The following XIRP2 variants were observed in gnomAD, a reference collection of about 807,000 sequenced individuals.
The protein encoded by XIRP2 is xin actin binding repeat containing 2, also known as xin actin-binding repeat-containing protein 2.
XIRP2 carries 236 observed loss-of-function variants against 277.0 expected under a neutral mutation model. The observed-to-expected ratio is 0.85, with a 90% CI of 0.77 to 0.95. XIRP2 has a LOEUF of 0.95. Ranked by LOEUF, XIRP2 falls within the 40% of genes least tolerant of loss-of-function variation. The pLI, the probability that XIRP2 is intolerant of heterozygous loss-of-function variation, is 0.00. For missense variants in XIRP2, 4,640 were observed against 4,157.5 expected, an observed-to-expected ratio of 1.12 and a Z score of -3.19; for synonymous variants, 1,490 against 1,416.5, an observed-to-expected ratio of 1.05 and a Z score of -1.17.
chr2:167,161,194 G>C (rs962292244), intron 3 of XIRP2, among the ~76,000 whole-genome samples: 3 of 152,198 alleles, frequency 2.0e-5, no homozygotes, highest in African/African-American at 7.2e-5. Context: ...GGCTGGTGTT[G>C]AGTGTCTGTG....
At chr2:167,065,545 G>A (rs1689281406) in intron 2 of XIRP2, among the ~76,000 whole-genome samples, 1 of 151,308 alleles carries the variant, frequency 6.6e-6, no homozygotes, top group South Asian at 2.1e-4. Flanking sequence ...TATTTTCGTT[G>A]TTGCTGTTAT....
intron 2 of XIRP2, among the ~76,000 whole-genome samples, chr2:167,056,587 T>G (rs1480374085): frequency 2.0e-5 from 3 of 152,184 alleles, no homozygotes; most frequent in Admixed American, 6.5e-5. Context: ...TCCTAATTAC[T>G]CCACTCATAA....
intron 2 of XIRP2, among the ~76,000 whole-genome samples, chr2:167,024,080 A>G (rs999192214): frequency 6.6e-6 from 1 of 151,318 alleles, no homozygotes; most frequent in Non-Finnish European, 1.5e-5. Context: ...GATTCTTCCT[A>G]CCCATGAGCA....
Position 167,128,654 on chromosome 2 carries a change from G to A in XIRP2, c.409-7255G>A, listed in dbSNP as rs530809870. Among the ~76,000 whole-genome samples the A allele has an allele frequency of 1.9e-4, 29 of 152,042 alleles. 1 individual carries two copies. Among genetic ancestry groups the A allele is most frequent in the African/African-American group, 5.8e-4 (24 of 41,452 alleles). On this transcript the variant is annotated intron_variant, in intron 2 of 10. Coordinates refer to ENST00000409195, the MANE Select transcript of XIRP2 (RefSeq NM_152381.6). ...GTATCTAAAGCACAAATCTAATCCC[G>A]CCACCCCCACTTAATTCACTTGCAA...
intron 2 of XIRP2, among the ~76,000 whole-genome samples, chr2:167,078,619 G>A (rs1391633556): frequency 2.6e-5 from 4 of 152,016 alleles, no homozygotes; most frequent in Non-Finnish European, 2.9e-5. Context: ...GGCAGAACAC[G>A]AGGTCAGGAG....
intron 2 of XIRP2, among the ~76,000 whole-genome samples, chr2:166,954,490 C>A (rs1313046185): frequency 2.0e-5 from 3 of 151,814 alleles, no homozygotes; most frequent in Non-Finnish European, 4.4e-5. Flanking sequence ...TTCGTTCAAC[C>A]ATTGTGGAAG....
chr2:167,110,064 T>C (rs1690713314), intron 2 of XIRP2, among the ~76,000 whole-genome samples: 1 of 152,216 alleles, frequency 6.6e-6, no homozygotes, highest in Admixed American at 6.6e-5. Flanking sequence ...TTGTAGATTC[T>C]GTATATTAGA....
chr2:166,970,950 C>A, intron 2 of XIRP2, among the ~76,000 whole-genome samples: 1 of 151,570 alleles, frequency 6.6e-6, no homozygotes, highest in Admixed American at 6.6e-5. Flanking sequence ...CAATATATGG[C>A]TAGGTATTAT....
intron 3 of XIRP2, among the ~76,000 whole-genome samples, chr2:167,181,483 T>A (rs6706115): frequency 0.099 from 15,010 of 152,262 alleles, 795 homozygotes; most frequent in South Asian, 0.15. Flanking sequence ...TTCTTCAAAT[T>A]CTTACTGTCT....
At chr2:167,100,297 GA>G (rs1234470257) in intron 2 of XIRP2, among the ~76,000 whole-genome samples, 1 of 152,014 alleles carries the variant, frequency 6.6e-6, no homozygotes, top group Non-Finnish European at 1.5e-5. Flanking sequence ...AATATTCTTT[GA>G]AAAGGTTTAC....
At chr2:167,159,344 C>T (rs1692295456) in intron 3 of XIRP2, among the ~76,000 whole-genome samples, 1 of 152,144 alleles carries the variant, frequency 6.6e-6, no homozygotes, top group African/African-American at 2.4e-5. Flanking sequence ...CAGAGAGTGG[C>T]TTTCAAGCTA....
intron 2 of XIRP2, among the ~76,000 whole-genome samples, chr2:166,929,821 TTCA>T (rs1685281558): frequency 6.6e-6 from 1 of 152,184 alleles, no homozygotes; most frequent in Non-Finnish European, 1.5e-5. Flanking sequence ...GTAAGATGAC[TTCA>T]TCAGTTATTT....
At chr2:166,929,909 G>A (rs1163136130) in intron 2 of XIRP2, among the ~76,000 whole-genome samples, 1 of 152,130 alleles carries the variant, frequency 6.6e-6, no homozygotes, top group African/African-American at 2.4e-5. Flanking sequence ...AAAAATATAT[G>A]TAGATAGCTC....
At chr2:167,045,082 G>A (rs1688755517) in intron 2 of XIRP2, among the ~76,000 whole-genome samples, 1 of 151,840 alleles carries the variant, frequency 6.6e-6, no homozygotes, top group African/African-American at 2.4e-5. Context: ...TGTTAGATAA[G>A]CTAGAAATAT....
intron 5 of XIRP2, among the ~76,000 whole-genome samples, chr2:167,232,109 C>T (rs1441060442): frequency 1.3e-5 from 2 of 151,906 alleles, no homozygotes; most frequent in Admixed American, 1.3e-4. Flanking sequence ...GGAGCTGTGA[C>T]TGATATAAAG....
chr2:167,199,582 A>G (rs2105375145), intron 3 of XIRP2, among the ~76,000 whole-genome samples: 1 of 152,316 alleles, frequency 6.6e-6, no homozygotes, highest in East Asian at 1.9e-4. Flanking sequence ...TTGACCCAGA[A>G]TTAAATCACT....
intron 2 of XIRP2, among the ~76,000 whole-genome samples, chr2:167,087,850 C>T (rs1234599862): frequency 6.6e-6 from 1 of 152,166 alleles, no homozygotes; most frequent in Non-Finnish European, 1.5e-5. Flanking sequence ...CTGGCACTCC[C>T]TAGTGAGATG....
intron 5 of XIRP2, among the ~76,000 whole-genome samples, chr2:167,229,549 G>T (rs1448198902): frequency 6.6e-6 from 1 of 151,938 alleles, no homozygotes; most frequent in Non-Finnish European, 1.5e-5. Flanking sequence ...TATGAAAATG[G>T]GTGCTTTTTG....
chr2:167,232,213 T>C (rs1049591001), intron 5 of XIRP2, among the ~76,000 whole-genome samples: 3 of 152,020 alleles, frequency 2.0e-5, no homozygotes, highest in Admixed American at 6.6e-5. Context: ...GAAAGAATTG[T>C]GTAATAGATT....
Sources: gnomAD v4.1 joint callset for allele counts (sites outside exome capture counted in the v4.1 genomes callset) on GRCh38, gnomAD v4.1.1 for gene constraint, MANE v1.5 for transcripts, NCBI Gene and HGNC (gene_info 2026-07-23, HGNC 2026-07-21) for gene names.